The following FGGY variants were observed in gnomAD, a reference collection of about 807,000 sequenced individuals.
FGGY encodes FGGY carbohydrate kinase domain containing.
A neutral mutation model predicts 71.3 loss-of-function variants in FGGY; 72 were observed. That is an observed-to-expected ratio of 1.01 (90% CI 0.84 to 1.23). The LOEUF (loss-of-function observed/expected upper bound fraction) is 1.23, where lower values mean the gene tolerates loss of function less well. FGGY is among the 50% of genes most tolerant of loss of function. The pLI is 0.00. For synonymous variants in FGGY, 251 were observed against 250.3 expected (o/e 1.00, Z -0.02); for missense variants, 668 against 682.3 (o/e 0.98, Z 0.23).
At chr1:59,370,530 C>A (rs1477805224) in intron 4 of FGGY, among the ~76,000 whole-genome samples, 1 of 151,996 alleles carries the variant, frequency 6.6e-6, no homozygotes, top group Non-Finnish European at 1.5e-5. Flanking sequence ...GGCAGGCCAA[C>A]ATTCAGATTC....
At chr1:59,760,187 C>T (rs1442887272) in intron 15 of FGGY, among the ~76,000 whole-genome samples, 3 of 152,108 alleles carry the variant, frequency 2.0e-5, no homozygotes, top group African/African-American at 4.8e-5. Flanking sequence ...TTATAAATGA[C>T]CAGTAAGCAC....
At chr1:59,410,039 C>T (rs190934071) in intron 5 of FGGY, among the ~76,000 whole-genome samples, 7 of 152,248 alleles carry the variant, frequency 4.6e-5, no homozygotes, top group African/African-American at 1.4e-4. Context: ...ATGCCATGCC[C>T]ACTACACCAG....
At chr1:59,362,804 A>G (rs1001977232) in intron 4 of FGGY, among the ~76,000 whole-genome samples, 1 of 152,172 alleles carries the variant, frequency 6.6e-6, no homozygotes, top group Non-Finnish European at 1.5e-5. Context: ...TGCATGTTTC[A>G]TATGCATAGA....
At chr1:59,630,419 G>A (rs2096897979) in intron 10 of FGGY, among the ~76,000 whole-genome samples, 1 of 152,132 alleles carries the variant, frequency 6.6e-6, no homozygotes, top group Admixed American at 6.5e-5. Flanking sequence ...TGGAGGAACA[G>A]CAAGGACAGG....
At position 59,732,101 on chromosome 1, in the gene FGGY, C is replaced by G. The variant is rs1335407841; in HGVS notation, c.1513-25830C>G. ...AAATGAATTGCTGAGTTGCCGCACA[C>G]AAAGCATCTGGTCCAGTTCCTGGCA... On this transcript the variant is annotated intron_variant, in intron 14 of 15. Coordinates refer to ENST00000303721, the MANE Select transcript of FGGY (RefSeq NM_018291.5). Among the ~76,000 whole-genome samples the G allele has an allele frequency of 3.3e-5, 5 of 152,294 alleles. No homozygotes were observed. In the East Asian group the frequency reaches 9.7e-4, roughly 29 times the overall value.
intron 14 of FGGY, among the ~76,000 whole-genome samples, chr1:59,742,079 G>A (rs562434229): frequency 3.3e-5 from 5 of 152,246 alleles, no homozygotes; most frequent in South Asian, 2.1e-4. Flanking sequence ...CTCCAGCCTC[G>A]GTGACAGAGC....
At chr1:59,373,533 C>G (rs2058091733) in intron 4 of FGGY, among the ~76,000 whole-genome samples, 1 of 152,184 alleles carries the variant, frequency 6.6e-6, no homozygotes, top group African/African-American at 2.4e-5. Context: ...CAATGACTTT[C>G]TTCACAGAAT....
chr1:59,404,214 G>A (rs2062402370), intron 5 of FGGY, among the ~76,000 whole-genome samples: 1 of 151,982 alleles, frequency 6.6e-6, no homozygotes, highest in Admixed American at 6.6e-5. Context: ...TCGGGGGGCG[G>A]GGCCACAGGA....
intron 7 of FGGY, among the ~76,000 whole-genome samples, chr1:59,519,252 A>G (rs2094753924): frequency 6.6e-6 from 1 of 152,224 alleles, no homozygotes; most frequent in South Asian, 2.1e-4. Flanking sequence ...TAAAAATGTG[A>G]GCAAGTAACA....
chr1:59,312,222 AG>A (rs928504556), intron 1 of FGGY, among the ~76,000 whole-genome samples: 1 of 152,194 alleles, frequency 6.6e-6, no homozygotes, highest in Non-Finnish European at 1.5e-5. Context: ...CTCTGCTGAT[AG>A]TTTCTTTTGC....
At chr1:59,450,201 ACCTCTTG>A (rs1191441554) in intron 5 of FGGY, among the ~76,000 whole-genome samples, 2 of 152,132 alleles carry the variant, frequency 1.3e-5, no homozygotes, top group Admixed American at 6.5e-5. Context: ...AAAAAGTTTT[ACCTCTTG>A]CCAGTTTCTA....
chr1:59,474,687 C>T (rs1469121161), intron 6 of FGGY, among the ~76,000 whole-genome samples: 2 of 152,168 alleles, frequency 1.3e-5, no homozygotes, highest in African/African-American at 4.8e-5. Context: ...TGGACTTTGC[C>T]CAAGTCAGAG....
chr1:59,493,860 ATTTAT>A (rs1383620521), intron 6 of FGGY, among the ~76,000 whole-genome samples: 9 of 152,166 alleles, frequency 5.9e-5, no homozygotes, highest in African/African-American at 1.9e-4. Flanking sequence ...TCCACTTTAC[ATTTAT>A]TTTATTCTCT....
intron 14 of FGGY, among the ~76,000 whole-genome samples, chr1:59,689,941 C>T (rs764435366): frequency 9.2e-5 from 14 of 152,274 alleles, no homozygotes; most frequent in East Asian, 1.9e-4. Flanking sequence ...ATAGAGTTGA[C>T]GGCAGTGAAA....
chr1:59,622,363 G>A (rs2153836230), intron 9 of FGGY, among the ~76,000 whole-genome samples: 1 of 152,144 alleles, frequency 6.6e-6, no homozygotes, highest in East Asian at 1.9e-4. Flanking sequence ...TATGTATAAT[G>A]ATTTGGGGTC....
chr1:59,297,510 C>T (rs184440962), intron 1 of FGGY, among the ~76,000 whole-genome samples: 226 of 152,298 alleles, frequency 1.5e-3, no homozygotes, highest in African/African-American at 5.3e-3. Context: ...TCATTTTTAG[C>T]CGTTTCCTTT....
At chr1:59,512,871 T>A (rs1570476864) in intron 7 of FGGY, among the ~76,000 whole-genome samples, 1 of 152,230 alleles carries the variant, frequency 6.6e-6, no homozygotes, top group Non-Finnish European at 1.5e-5. Flanking sequence ...CTTGATTTTA[T>A]CTTGTACATA....
chr1:59,380,117 A>G (rs2059216715), intron 5 of FGGY, among the ~76,000 whole-genome samples: 1 of 151,752 alleles, frequency 6.6e-6, no homozygotes, highest in African/African-American at 2.4e-5. Context: ...CCTCCAAAGG[A>G]CATGAACTCA....
chr1:59,459,001 T>C (rs2091958902), intron 6 of FGGY, among the ~76,000 whole-genome samples: 1 of 152,200 alleles, frequency 6.6e-6, no homozygotes, highest in South Asian at 2.1e-4. Context: ...TCATTGCCCG[T>C]CAAGATGTGG....
Sources: allele counts gnomAD v4.1 joint callset (sites outside exome capture counted in the v4.1 genomes callset), GRCh38; gene constraint gnomAD v4.1.1; transcripts MANE v1.5; gene names NCBI Gene and HGNC (gene_info 2026-07-23, HGNC 2026-07-21).